HLF: variants seen among roughly 807,000 people sequenced by gnomAD.
The protein encoded by HLF is HLF transcription factor, PAR bZIP family member.
HLF carries 3 observed loss-of-function variants against 22.6 expected under a neutral mutation model. That is an observed-to-expected ratio of 0.13 (90% confidence interval 0.06 to 0.34). The LOEUF (loss-of-function observed/expected upper bound fraction) is 0.34. HLF is among the 10% of genes least tolerant of loss of function. The pLI, the probability that HLF is intolerant of heterozygous loss-of-function variation, is 1.00. For missense variants in HLF, 299 were observed against 389.2 expected, an observed-to-expected ratio of 0.77 and a Z score of 1.95; for synonymous variants, 151 against 151.8, an observed-to-expected ratio of 0.99 and a Z score of 0.04.
chr17:55,282,301 A>T (rs187563929), intron 2 of HLF, among the ~76,000 whole-genome samples: 18 of 152,286 alleles, frequency 1.2e-4, no homozygotes, highest in Non-Finnish European at 2.4e-4. Flanking sequence ...AAGCTCCGTG[A>T]TGCTGCTTTG....
intron 2 of HLF, among the ~76,000 whole-genome samples, chr17:55,278,597 C>T (rs2080927084): frequency 6.6e-6 from 1 of 152,170 alleles, no homozygotes; most frequent in African/African-American, 2.4e-5. Flanking sequence ...GGAATCAATG[C>T]AGCAAACCAG....
chr17:55,277,550 T>G (rs1344443278), intron 2 of HLF, among the ~76,000 whole-genome samples: 1 of 148,724 alleles, frequency 6.7e-6, no homozygotes, highest in East Asian at 2.0e-4. Flanking sequence ...CATGCTTAGA[T>G]ATGGGATGTG....
chr17:55,307,588 T>G (rs940346797), intron 2 of HLF, among the ~76,000 whole-genome samples: 1 of 152,118 alleles, frequency 6.6e-6, no homozygotes, highest in African/African-American at 2.4e-5. Context: ...TTGCAAAATA[T>G]TGAAAATAAG....
Position 55,317,906 on chromosome 17 carries a change from C to T in HLF, c.672+2459C>T, listed in dbSNP as rs995455822. ...CCTAGCTGAAAATCCATTTAATTAC[C>T]TTGATTTTTTAAATGCTTTTAATGG... is the stretch of plus-strand genomic sequence containing the variant. On this transcript the variant is annotated intron_variant, in intron 3 of 3. Transcript: ENST00000226067. Among the ~76,000 whole-genome samples, 13 of 152,230 alleles carry T rather than the reference C, an allele frequency of 8.5e-5. 1 individual carries two copies. Among genetic ancestry groups the T allele is most frequent in the Middle Eastern group, 6.8e-3 (2 of 294 alleles).
chr17:55,313,546 T>G lies in HLF; in HGVS notation c.452-1681T>G, dbSNP rs549106548. Among the ~76,000 whole-genome samples, 12 of 152,162 alleles carry G rather than the reference T, an allele frequency of 7.9e-5. No individual in the cohort carries two copies. In the East Asian group the frequency reaches 2.3e-3, roughly 29 times the overall value. The stretch of plus-strand genomic sequence containing the variant: ...ATGGGTGCACATGCCTGTGTAAGAA[T>G]GGGGAGGTGGGGACATTGTAGTGAT... On this transcript the variant is annotated intron_variant, in intron 2 of 3. Transcript: ENST00000226067.
At chr17:55,311,401 G>A (rs1015555929) in intron 2 of HLF, among the ~76,000 whole-genome samples, 3 of 152,146 alleles carry the variant, frequency 2.0e-5, no homozygotes, top group Non-Finnish European at 4.4e-5. Context: ...CTACTCGGGA[G>A]GCTGAGGCAG....
chr17:55,265,987 G>C (rs1334183404), intron 1 of HLF: 1 of 335,684 alleles, frequency 3.0e-6, no homozygotes, highest in African/African-American at 2.2e-5. Flanking sequence ...CCTGGGGCCT[G>C]GTTCTGTGCG....
intron 2 of HLF, among the ~76,000 whole-genome samples, chr17:55,276,522 A>G (rs547453955): frequency 8.0e-4 from 122 of 152,316 alleles, no homozygotes; most frequent in African/African-American, 2.6e-3. Context: ...TTCTTGGAAG[A>G]GTTGTAGCCT....
chr17:55,324,869 A>G lies in HLF; in HGVS notation c.*3990A>G. 4.3e-6 allele frequency: 1 copy of G among 232,854 alleles called. No individual in the cohort carries two copies. Among genetic ancestry groups the G allele is most frequent in the East Asian group, 6.1e-5 (1 of 16,498 alleles). 14.4% of individuals were successfully genotyped at this position (232,854 alleles called of 1,614,324 possible). A position where few individuals can be genotyped will look rare whatever the true frequency, so the allele number is the denominator to read the frequency against. On this transcript the variant is annotated 3_prime_UTR_variant, in exon 4 of 4. Transcript: ENST00000226067. ...AGTCGACATAAAGTCTTTAATTTTG[A>G]GCACCTTACCAAACATAACAATAAT... is the stretch of plus-strand genomic sequence containing the variant.
At position 55,324,836 on chromosome 17, in the gene HLF, T is replaced by C. The variant is rs1905404660; in HGVS notation, c.*3957T>C. ...GTGCATGTGTGTGTGTGTGTATGTG[T>C]GTGAATAAGTCGACATAAAGTCTTT... is the stretch of plus-strand genomic sequence containing the variant. On this transcript the variant is annotated 3_prime_UTR_variant, in exon 4 of 4. Coordinates refer to ENST00000226067, the MANE Select transcript of HLF (RefSeq NM_002126.5). The C allele has an allele frequency of 8.6e-6, 2 of 233,462 alleles. No individual in the cohort carries two copies. The highest frequency in any genetic ancestry group is 4.4e-5 in the African/African-American group (2 of 45,322). The allele number at this position is 233,462 out of a possible 1,614,324, so 14.5% of individuals were successfully genotyped here.
At chr17:55,268,642 T>C (rs1415874686) in intron 2 of HLF, among the ~76,000 whole-genome samples, 1 of 152,162 alleles carries the variant, frequency 6.6e-6, no homozygotes, top group Non-Finnish European at 1.5e-5. Context: ...AGAAGTAGAA[T>C]CTAAAAGCAG....
Position 55,322,151 on chromosome 17 carries a change from C to T in HLF, c.*1272C>T. On this transcript the variant is annotated 3_prime_UTR_variant, in exon 4 of 4. Transcript: ENST00000226067. ...CTCTGTTTGCTTTTGAACGTATGTG[C>T]TCTTATAAAGTGGACTTCTGAAAAA... 1 of 202,978 alleles carries T rather than the reference C, an allele frequency of 4.9e-6. No individual in the cohort carries two copies. Among genetic ancestry groups the T allele is most frequent in the East Asian group, 7.6e-5 (1 of 13,158 alleles). The allele number at this position is 202,978 out of a possible 1,614,324, so 12.6% of individuals were successfully genotyped here. A position where few individuals can be genotyped will look rare whatever the true frequency, so the allele number is the denominator to read the frequency against.
chr17:55,314,348 A>G (rs987343763), intron 2 of HLF, among the ~76,000 whole-genome samples: 5 of 152,086 alleles, frequency 3.3e-5, no homozygotes, highest in African/African-American at 7.2e-5. Flanking sequence ...TCTCCTTCTC[A>G]CTATCTCCAT....
At chr17:55,317,249 A>G (rs1265564102) in intron 3 of HLF, among the ~76,000 whole-genome samples, 2 of 152,094 alleles carry the variant, frequency 1.3e-5, no homozygotes, top group African/African-American at 2.4e-5. Flanking sequence ...TTACAGGTGT[A>G]AGCCACCGCG....
chr17:55,305,150 C>T (rs543637922), intron 2 of HLF, among the ~76,000 whole-genome samples: 13 of 152,310 alleles, frequency 8.5e-5, no homozygotes, highest in African/African-American at 2.4e-4. Context: ...CCCTGTCTGC[C>T]GGGAATCCTT....
chr17:55,279,511 A>G (rs1018742226), intron 2 of HLF, among the ~76,000 whole-genome samples: 1 of 152,144 alleles, frequency 6.6e-6, no homozygotes, highest in African/African-American at 2.4e-5. Flanking sequence ...AGGTGGGAAG[A>G]TCACTTGAGG....
chr17:55,287,169 A>T (rs1235067177), intron 2 of HLF, among the ~76,000 whole-genome samples: 1 of 152,232 alleles, frequency 6.6e-6, no homozygotes. Context: ...GGTTATTGAA[A>T]AGGTGAAGTC....
intron 3 of HLF, among the ~76,000 whole-genome samples, chr17:55,318,792 C>G (rs1033940094): frequency 6.6e-6 from 1 of 152,110 alleles, no homozygotes; most frequent in Admixed American, 6.5e-5. Flanking sequence ...AGGCTTCTAT[C>G]AAAACACAAA....
At position 55,324,321 on chromosome 17, in the gene HLF, C is replaced by T. The variant is rs1905375759; in HGVS notation, c.*3442C>T. 1 of 228,570 alleles carries T rather than the reference C, an allele frequency of 4.4e-6. No individual in the cohort carries two copies. The highest frequency in any genetic ancestry group is 8.7e-6 in the Non-Finnish European group (1 of 115,158). 14.2% of individuals were successfully genotyped at this position (228,570 alleles called of 1,614,324 possible). A position where few individuals can be genotyped will look rare whatever the true frequency, so the allele number is the denominator to read the frequency against. On this transcript the variant is annotated 3_prime_UTR_variant, in exon 4 of 4. Transcript: ENST00000226067. ...CTCACAGTAATTCCAAATGTACAAT[C>T]AGATGTCTAGGGTCTGTTTTCGGAA...
Sources: allele counts gnomAD v4.1 joint callset (sites outside exome capture counted in the v4.1 genomes callset), GRCh38; gene constraint gnomAD v4.1.1; transcripts MANE v1.5; gene names NCBI Gene and HGNC (gene_info 2026-07-23, HGNC 2026-07-21).